Variants in PRKAR1A observed in about 807,000 individuals in gnomAD.
The protein encoded by PRKAR1A is protein kinase cAMP-dependent type I regulatory subunit alpha.
In PRKAR1A, 3 loss-of-function variants were observed where a neutral mutation model predicts 52.0. That is an observed-to-expected ratio of 0.06 (90% CI 0.03 to 0.15). The LOEUF (loss-of-function observed/expected upper bound fraction) is 0.15, where lower values mean the gene tolerates loss of function less well. Among genes scored for constraint, PRKAR1A ranks in the 10% least tolerant of loss-of-function variants. PRKAR1A has a pLI of 1.00. For synonymous variants in PRKAR1A, 188 were observed against 168.4 expected, an observed-to-expected ratio of 1.12 and a Z score of -0.90; for missense variants, 240 against 477.4, an observed-to-expected ratio of 0.50 and a Z score of 4.63.
the PRKAR1A span, among the ~76,000 whole-genome samples, chr17:68,506,628 C>G: frequency 6.6e-6 from 1 of 152,006 alleles, no homozygotes; most frequent in Non-Finnish European, 1.5e-5. Context: ...GGACTACAGG[C>G]GTGCACCACC....
At chr17:68,449,821 T>C in the PRKAR1A span, among the ~76,000 whole-genome samples, 1 of 152,178 alleles carries the variant, frequency 6.6e-6, no homozygotes, top group Non-Finnish European at 1.5e-5. Context: ...AATGTGAGAA[T>C]AGACGAATAC....
chr17:68,535,354 T>C (rs1413173677), downstream of PRKAR1A: 2 of 454,096 alleles, frequency 4.4e-6, no homozygotes, highest in Non-Finnish European at 8.8e-6. Context: ...TGCAGCAAAA[T>C]GTGTATATAG....
the PRKAR1A span, among the ~76,000 whole-genome samples, chr17:68,423,542 C>T: frequency 2.0e-5 from 3 of 152,164 alleles, no homozygotes; most frequent in Non-Finnish European, 4.4e-5. The surrounding 1 kb of genome is among the most constrained non-coding windows in gnomAD (Gnocchi z 4.4). Flanking sequence ...GTTCAGTGAC[C>T]ACTCTCACTG....
Position 68,532,951 on chromosome 17 carries a change from C to A in PRKAR1A, c.*2502C>A. ...TCAAAGAGTGGATCTCAAAATCTTG[C>A]TTAAAGGGTAATTGAGATGTAGCAG... On this transcript the variant is annotated 3_prime_UTR_variant, in exon 11 of 11. Coordinates refer to ENST00000589228, the MANE Select transcript of PRKAR1A (RefSeq NM_002734.5). 9.4e-7 allele frequency: 1 copy of A among 1,065,708 alleles called. No individual in the cohort carries two copies. The highest frequency in any genetic ancestry group is 1.6e-5 in the African/African-American group (1 of 61,138). 66.0% of individuals were successfully genotyped at this position (1,065,708 alleles called of 1,614,324 possible). A position where few individuals can be genotyped will look rare whatever the true frequency, so the allele number is the denominator to read the frequency against.
chr17:68,535,913 A>G (rs780651741), downstream of PRKAR1A: 1 of 454,034 alleles, frequency 2.2e-6, no homozygotes, highest in South Asian at 1.6e-5. Context: ...AAACCACTAA[A>G]TTGTGTGATT....
intron 11 of PRKAR1A, chr17:68,543,652 C>T: frequency 6.2e-7 from 1 of 1,614,172 alleles, no homozygotes; most frequent in East Asian, 2.2e-5. Context: ...AAGCTGCGAT[C>T]TCAGCATTGT....
At chr17:68,428,469 G>C in the PRKAR1A span, 1 of 204,952 alleles carries the variant, frequency 4.9e-6, no homozygotes, top group Non-Finnish European at 1.0e-5. Flanking sequence ...CTGGACTCAA[G>C]CCATCCACCC....
chr17:68,428,796 G>A, the PRKAR1A span: 6 of 1,548,542 alleles, frequency 3.9e-6, no homozygotes, highest in South Asian at 3.4e-5. Context: ...ACCAGCTCTC[G>A]AAAGGCTGTC....
chr17:68,542,183 G>C (rs1411690458), intron 11 of PRKAR1A: 12 of 1,613,460 alleles, frequency 7.4e-6, no homozygotes, highest in African/African-American at 1.3e-5. Flanking sequence ...ATGGGGAGGA[G>C]AGAGGAGGAG....
the PRKAR1A span, among the ~76,000 whole-genome samples, chr17:68,492,274 T>C: frequency 3.9e-5 from 6 of 152,044 alleles, no homozygotes; most frequent in South Asian, 2.1e-4. Flanking sequence ...CCGATCTTAT[T>C]TGAAAAAGCA....
the PRKAR1A span, among the ~76,000 whole-genome samples, chr17:68,433,760 G>GTTTTTT: frequency 4.7e-4 from 34 of 72,816 alleles, 5 homozygotes; most frequent in African/African-American, 1.8e-3. Context: ...AAGGGTCATA[G>GTTTTTT]TTTTTTTTTT....
At chr17:68,503,073 A>G in the PRKAR1A span, among the ~76,000 whole-genome samples, 1 of 152,222 alleles carries the variant, frequency 6.6e-6, no homozygotes, top group Non-Finnish European at 1.5e-5. Flanking sequence ...AACAGACACC[A>G]CCTCAGAGAA....
At chr17:68,469,335 A>C in the PRKAR1A span, among the ~76,000 whole-genome samples, 1 of 151,972 alleles carries the variant, frequency 6.6e-6, no homozygotes, top group Non-Finnish European at 1.5e-5. Flanking sequence ...TACCCCCAGG[A>C]GCTTTTTTTT....
the PRKAR1A span, among the ~76,000 whole-genome samples, chr17:68,504,868 C>G: frequency 2.6e-5 from 4 of 152,064 alleles, no homozygotes; most frequent in Admixed American, 2.6e-4. Context: ...GTGATGGATA[C>G]CCCAGTTACC....
chr17:68,484,242 G>T, the PRKAR1A span, among the ~76,000 whole-genome samples: 2 of 152,162 alleles, frequency 1.3e-5, no homozygotes, highest in South Asian at 4.1e-4. Context: ...ATTTATTTAG[G>T]TCTTTAAAAA....
the PRKAR1A span, chr17:68,420,507 G>A: frequency 6.3e-7 from 1 of 1,585,178 alleles, no homozygotes; most frequent in Non-Finnish European, 8.6e-7. Context: ...TGGAAATTAG[G>A]CAAGTTTGCT....
the PRKAR1A span, among the ~76,000 whole-genome samples, chr17:68,466,902 C>T: frequency 8.4e-4 from 128 of 152,230 alleles, no homozygotes; most frequent in Non-Finnish European, 1.5e-3. Context: ...AACCCTGTAC[C>T]CCTTAAACAG....
rs17550507 is a variant in PRKAR1A, at chr17:68,522,639, TA to T, written c.178-116del. 0.22 allele frequency: 264,299 copies of T among 1,180,120 alleles called. 30,433 individuals carry two copies. Among genetic ancestry groups the T allele is most frequent in the South Asian group, 0.27 (20,705 of 76,838 alleles). 73.1% of individuals were successfully genotyped at this position (1,180,120 alleles called of 1,614,324 possible). On this transcript the variant is annotated intron_variant, in intron 2 of 10. Transcript: ENST00000589228. ...TGGAATTGGTGTTTTCCTCTTAACT[TA>T]CATTGTTAATGGAAGAAGAGATTGG...
the PRKAR1A span, chr17:68,457,472 A>G: frequency 7.3e-7 from 1 of 1,372,496 alleles, no homozygotes; most frequent in African/African-American, 1.6e-5. Flanking sequence ...CAGCCACCTC[A>G]GCAGCCCGCC....
Sources: allele counts gnomAD v4.1 joint callset (sites outside exome capture counted in the v4.1 genomes callset), GRCh38; gene constraint gnomAD v4.1.1; non-coding constraint Gnocchi (gnomAD v3.1); transcripts MANE v1.5; gene names NCBI Gene and HGNC (gene_info 2026-07-23, HGNC 2026-07-21).